The following TOMM20 variants were observed in gnomAD, a reference collection of about 807,000 sequenced individuals.
The protein encoded by TOMM20 is mitochondrial import receptor subunit TOM20 homolog.
TOMM20 carries 10 observed loss-of-function variants against 22.1 expected under a neutral mutation model. That is an observed-to-expected ratio of 0.45 (90% confidence interval 0.28 to 0.77). The LOEUF (loss-of-function observed/expected upper bound fraction) is 0.77. TOMM20 is among the 30% of genes least tolerant of loss of function. The pLI, the probability that TOMM20 is intolerant of heterozygous loss-of-function variation, is 0.13. For missense variants in TOMM20, 121 were observed against 172.2 expected, an observed-to-expected ratio of 0.70 and a Z score of 1.66; for synonymous variants, 55 against 61.4, an observed-to-expected ratio of 0.90 and a Z score of 0.49.
intron 3 of TOMM20, 122 bp downstream of exon 3, chr1:235,119,696 C>T (rs1660897526): frequency 1.8e-6 from 1 of 549,190 alleles, no homozygotes; most frequent in South Asian, 3.5e-5. Context: ...AAAAACTTGT[C>T]TTGAGATACT....
At chr1:235,113,240 T>C (rs1440401736) in intron 4 of TOMM20, among the ~76,000 whole-genome samples, 1 of 152,214 alleles carries the variant, frequency 6.6e-6, no homozygotes, top group Non-Finnish European at 1.5e-5. Context: ...TAATGCTATT[T>C]TGCATTTTTG....
In TOMM20 at chr1:235,110,970, C is replaced by T. The variant is rs944509801; in HGVS notation, c.*1094G>A. ...TCACAAGGTTGCAACTTACTCTCAT[C>T]GTTTCACAAGATAATCAAGTTGAAG... On this transcript the variant is annotated 3_prime_UTR_variant, in exon 5 of 5. Coordinates refer to ENST00000366607, the MANE Select transcript of TOMM20 (RefSeq NM_014765.3). 1 of 152,122 alleles carries T rather than the reference C, an allele frequency of 6.6e-6. No homozygotes were observed. The highest frequency in any genetic ancestry group is 1.5e-5 in the Non-Finnish European group (1 of 68,022). The allele number at this position is 152,122 out of a possible 1,614,324, so 9.4% of individuals were successfully genotyped here.
intron 4 of TOMM20, 89 bp from the exon 5 acceptor site, chr1:235,112,197 G>A (rs1660750939): frequency 1.9e-6 from 2 of 1,053,396 alleles, no homozygotes. Context: ...TGTATTCAAA[G>A]AATTGAATCT....
At chr1:235,127,878 C>A in intron 1 of TOMM20, 1 of 519,154 alleles carries the variant, frequency 1.9e-6, no homozygotes, top group South Asian at 1.4e-5. Context: ...ATTTCTATAG[C>A]ATTCACTCAT....
intron 1 of TOMM20, among the ~76,000 whole-genome samples, chr1:235,124,872 G>A (rs1183934341): frequency 1.3e-5 from 2 of 152,146 alleles, no homozygotes; most frequent in Non-Finnish European, 2.9e-5. Flanking sequence ...CTGTGATAAA[G>A]GGACAGATGG....
chr1:235,121,290 A>G (rs1385637153), intron 2 of TOMM20, among the ~76,000 whole-genome samples: 1 of 152,178 alleles, frequency 6.6e-6, no homozygotes, highest in African/African-American at 2.4e-5. Flanking sequence ...CCTAGCCAAC[A>G]CAAGTGAAAC....
chr1:235,126,784 A>T (rs1407182287), intron 1 of TOMM20, among the ~76,000 whole-genome samples: 3 of 152,190 alleles, frequency 2.0e-5, no homozygotes, highest in Non-Finnish European at 4.4e-5. Flanking sequence ...TGGGCGACAG[A>T]GCGAGACTCA....
chr1:235,120,219 CTG>C (rs1424041933), intron 2 of TOMM20, among the ~76,000 whole-genome samples: 6 of 152,156 alleles, frequency 3.9e-5, no homozygotes, highest in African/African-American at 1.4e-4. Flanking sequence ...TTTTATACAA[CTG>C]TAAGCAATTT....
chr1:235,121,630 G>C (rs1660931962), intron 2 of TOMM20, among the ~76,000 whole-genome samples: 1 of 152,078 alleles, frequency 6.6e-6, no homozygotes, highest in Admixed American at 6.6e-5. Context: ...GCTTTAAAAA[G>C]AACCACTAAT....
chr1:235,116,370 C>A (rs1026147527), intron 3 of TOMM20, among the ~76,000 whole-genome samples: 1 of 151,838 alleles, frequency 6.6e-6, no homozygotes, highest in Admixed American at 6.6e-5. Context: ...GAAACCCGGT[C>A]TCTACTAAAA....
chr1:235,122,357 TTC>T lies in TOMM20; in HGVS notation c.135_136del (p.Lys46AlafsTer13). On this transcript the variant is annotated frameshift_variant, in exon 2 of 5. Transcript: ENST00000366607. LOFTEE classifies it high-confidence loss of function. ...AAGCCCAGCTCTCTCCTTGGCAAGCTTCTGTTTCTTTCTTCCTGCAAGAAATG... is the reference window on the plus strand; with the variant it reads ...AAGCCCAGCTCTCTCCTTGGCAAGCTTGTTTCTTTCTTCCTGCAAGAAATG... The T allele has an allele frequency of 6.4e-7, 1 of 1,571,102 alleles. No homozygotes were observed. Among genetic ancestry groups the T allele is most frequent in the East Asian group, 2.3e-5 (1 of 43,330 alleles).
intron 4 of TOMM20, 139 bp from the exon 5 acceptor site, chr1:235,112,247 A>AACACTTT (rs1258343199): frequency 1.7e-5 from 12 of 689,444 alleles, no homozygotes; most frequent in Non-Finnish European, 2.7e-5. Flanking sequence ...TTCAAAATGT[A>AACACTTT]ACACTTTACA....
At position 235,112,962 on chromosome 1, in the gene TOMM20, T is replaced by C. The variant is rs567531252; in HGVS notation, c.393+806A>G. 1.4e-4 allele frequency among the ~76,000 whole-genome samples: 22 copies of C among 152,374 alleles called. No homozygotes were observed. The South Asian group carries it at 4.6e-3, about 32-fold the overall frequency. On this transcript the variant is annotated intron_variant, in intron 4 of 4. Transcript: ENST00000366607. The stretch of plus-strand genomic sequence containing the variant: ...TTGTTCCCTCAAGTCGTTGGGATCT[T>C]TACTTTCTTTCCAGTCCTTTTCTAA...
intron 1 of TOMM20, among the ~76,000 whole-genome samples, chr1:235,123,291 C>A (rs1384146724): frequency 6.6e-6 from 1 of 152,162 alleles, no homozygotes; most frequent in Admixed American, 6.5e-5. Flanking sequence ...TCGAGACCAG[C>A]CTGGCCAACA....
At chr1:235,121,136 T>G (rs982394807) in intron 2 of TOMM20, among the ~76,000 whole-genome samples, 3 of 151,268 alleles carry the variant, frequency 2.0e-5, no homozygotes, top group Admixed American at 1.3e-4. Context: ...GAGGCAGAGG[T>G]TGCAGTGAGC....
At position 235,112,118 on chromosome 1, in the gene TOMM20, A is replaced by G; in HGVS notation, c.394-10T>C. ...GAGCACTTACAATTCTCTGAAAGAAAAAAAAAATAATTTTTTAAAGTGTCA... is the reference window on the plus strand; with the variant it reads ...GAGCACTTACAATTCTCTGAAAGAAGAAAAAAATAATTTTTTAAAGTGTCA... On this transcript the variant is annotated splice_polypyrimidine_tract_variant and intron_variant, in intron 4 of 4. Transcript: ENST00000366607. The G allele has an allele frequency of 6.3e-7, 1 of 1,597,052 alleles. No individual in the cohort carries two copies. Among genetic ancestry groups the G allele is most frequent in the Non-Finnish European group, 8.5e-7 (1 of 1,172,948 alleles).
At position 235,125,916 on chromosome 1, in the gene TOMM20, A is replaced by ATT. The variant is rs796382236; in HGVS notation, c.121+2677_121+2678dup. Among the ~76,000 whole-genome samples the ATT allele has an allele frequency of 2.1e-3, 300 of 141,904 alleles. 1 individual carries two copies. The highest frequency in any genetic ancestry group is 7.5e-3 in the African/African-American group (289 of 38,774). 93.1% of individuals were successfully genotyped at this position (141,904 alleles called of 152,430 possible). ...AGGTGCGTGCCACCACGCCCAGCTA[A>ATT]TTTTTTTTTTTTTGTATTTTTAGTA... On this transcript the variant is annotated intron_variant, in intron 1 of 4. Transcript: ENST00000366607.
At chr1:235,116,384 C>A (rs961339690) in intron 3 of TOMM20, among the ~76,000 whole-genome samples, 1 of 151,922 alleles carries the variant, frequency 6.6e-6, no homozygotes, top group African/African-American at 2.4e-5. Context: ...ACTAAAAATA[C>A]AAAAATTAGC....
intron 2 of TOMM20, among the ~76,000 whole-genome samples, chr1:235,120,259 C>T (rs1042391287): frequency 6.6e-6 from 1 of 151,990 alleles, no homozygotes; most frequent in Non-Finnish European, 1.5e-5. Flanking sequence ...TTATTTTATA[C>T]AGATTTTGTT....
Sources: gnomAD v4.1 joint callset for allele counts (sites outside exome capture counted in the v4.1 genomes callset) on GRCh38, gnomAD v4.1.1 for gene constraint, MANE v1.5 for transcripts, NCBI Gene and HGNC (gene_info 2026-07-23, HGNC 2026-07-21) for gene names.